Variants in SH2D4A observed in about 807,000 individuals in gnomAD.
The protein encoded by SH2D4A is SH2 domain-containing protein 4A.
A neutral mutation model predicts 64.7 loss-of-function variants in SH2D4A; 70 were observed. The observed-to-expected ratio is 1.08, with a 90% confidence interval of 0.89 to 1.32. The LOEUF (loss-of-function observed/expected upper bound fraction) is 1.32, where lower values mean the gene tolerates loss of function less well. Ranked by LOEUF, SH2D4A falls within the 40% of genes most tolerant of loss-of-function variation. The pLI, the probability that SH2D4A is intolerant of heterozygous loss-of-function variation, is 0.00. For missense variants in SH2D4A, 706 were observed against 540.1 expected (o/e 1.31, Z -3.04); for synonymous variants, 268 against 200.7 (o/e 1.34, Z -2.83).
intron 8 of SH2D4A, among the ~76,000 whole-genome samples, chr8:19,373,899 A>G (rs1294179048): frequency 1.3e-5 from 2 of 152,134 alleles, no homozygotes; most frequent in Non-Finnish European, 2.9e-5. Flanking sequence ...TATCACCACA[A>G]ATAAAATGCA....
At chr8:19,358,949 G>A (rs1350068701) in intron 5 of SH2D4A, among the ~76,000 whole-genome samples, 8 of 151,560 alleles carry the variant, frequency 5.3e-5, no homozygotes, top group South Asian at 2.1e-4. Context: ...CGGCCCCTCC[G>A]CCCCTCCACT....
At chr8:19,343,100 C>T (rs1585161423) in intron 4 of SH2D4A, among the ~76,000 whole-genome samples, 1 of 152,096 alleles carries the variant, frequency 6.6e-6, no homozygotes. Context: ...TCTCATAAAC[C>T]TCTGCAACCT....
chr8:19,355,993 A>C (rs1451028319), intron 4 of SH2D4A, among the ~76,000 whole-genome samples: 1 of 152,218 alleles, frequency 6.6e-6, no homozygotes, highest in East Asian at 1.9e-4. Flanking sequence ...GTTCTAGTTC[A>C]GGAGGGCTCT....
intron 4 of SH2D4A, among the ~76,000 whole-genome samples, chr8:19,344,212 TGATTAGGGTCTTAAGAG>T (rs1026490549): frequency 1.6e-4 from 25 of 152,112 alleles, no homozygotes; most frequent in Non-Finnish European, 3.7e-4. Flanking sequence ...CTAGGTTCTC[TGATTAGGGTCTTAAGAG>T]GCTGAAATCA....
intron 4 of SH2D4A, among the ~76,000 whole-genome samples, chr8:19,345,913 C>G (rs2052606370): frequency 6.6e-6 from 1 of 152,192 alleles, no homozygotes; most frequent in African/African-American, 2.4e-5. Flanking sequence ...CCATGAGAAG[C>G]AAATCTTGGG....
rs185996095 is a variant in SH2D4A, at chr8:19,378,113, C to T, written c.1048+4453C>T. Among the ~76,000 whole-genome samples, 28 of 152,148 alleles carry T rather than the reference C, an allele frequency of 1.8e-4. No homozygotes were observed. The East Asian group carries it at 2.1e-3, about 12-fold the overall frequency. ...GTAATTACTTATACAGATCTTTTGACGATTTTTCTAATGAATTGATTTTTT... is the reference window on the plus strand; with the variant it reads ...GTAATTACTTATACAGATCTTTTGATGATTTTTCTAATGAATTGATTTTTT... On this transcript the variant is annotated intron_variant, in intron 8 of 9. Transcript: ENST00000265807.
At position 19,384,270 on chromosome 8, in the gene SH2D4A, G is replaced by A. The variant is rs140231072; in HGVS notation, c.1049-9048G>A. Among the ~76,000 whole-genome samples the A allele has an allele frequency of 1.4e-3, 216 of 152,318 alleles. 1 individual carries two copies. Among genetic ancestry groups the A allele is most frequent in the African/African-American group, 5.0e-3 (206 of 41,584 alleles). On this transcript the variant is annotated intron_variant, in intron 8 of 9. Coordinates refer to ENST00000265807, the MANE Select transcript of SH2D4A (RefSeq NM_022071.4). The stretch of plus-strand genomic sequence containing the variant: ...AGAATGAAGTTTTTTGGGTAAGTTT[G>A]CCAGGACATTGCAGGTTAAGGTTGA...
intron 7 of SH2D4A, among the ~76,000 whole-genome samples, chr8:19,366,949 T>C (rs1009273782): frequency 2.5e-4 from 38 of 152,358 alleles, no homozygotes; most frequent in African/African-American, 8.2e-4. Context: ...GGATCTTTTG[T>C]TCTCTTTAAT....
chr8:19,344,273 C>A (rs186017092), intron 4 of SH2D4A, among the ~76,000 whole-genome samples: 1 of 151,992 alleles, frequency 6.6e-6, no homozygotes, highest in Non-Finnish European at 1.5e-5. Context: ...TATCTGGAGG[C>A]CCTGGAGAAG....
chr8:19,370,751 T>A (rs550746393), intron 7 of SH2D4A, among the ~76,000 whole-genome samples: 1 of 152,174 alleles, frequency 6.6e-6, no homozygotes, highest in African/African-American at 2.4e-5. Context: ...TATTGATATG[T>A]AAGGGCTTAC....
At chr8:19,318,183 C>T (rs922741163) in intron 1 of SH2D4A, among the ~76,000 whole-genome samples, 9 of 152,170 alleles carry the variant, frequency 5.9e-5, no homozygotes, top group African/African-American at 2.2e-4. Flanking sequence ...GGATTACAGG[C>T]GTGAGCCACC....
intron 1 of SH2D4A, 79 bp from the exon 2 acceptor site, chr8:19,319,265 C>CTTT: frequency 1.0e-6 from 1 of 957,596 alleles, no homozygotes; most frequent in Non-Finnish European, 1.3e-6. Context: ...TTCCTCCTAG[C>CTTT]TTTTTTTTTT....
intron 8 of SH2D4A, among the ~76,000 whole-genome samples, chr8:19,384,482 G>C (rs1280972039): frequency 2.0e-5 from 3 of 152,178 alleles, no homozygotes; most frequent in African/African-American, 4.8e-5. Context: ...GTTCCGGACT[G>C]TCTTGACCTT....
At chr8:19,323,850 G>T (rs182019374) in intron 2 of SH2D4A, among the ~76,000 whole-genome samples, 1 of 152,324 alleles carries the variant, frequency 6.6e-6, no homozygotes, top group East Asian at 1.9e-4. Flanking sequence ...TCACAGCTAA[G>T]CCTGAAGTGT....
chr8:19,319,540 G>A lies in SH2D4A; in HGVS notation c.-8G>A, dbSNP rs1323983000. On this transcript the variant is annotated 5_prime_UTR_variant, in exon 2 of 10. In the 5' UTR this introduces an upstream ATG that the reference lacks. Transcript: ENST00000265807. ...GCCACAAGTATAAAAGACTTCAGAA[G>A]TGCAAAGATGCTGAAACAGATACTG... The A allele has an allele frequency of 2.0e-6, 3 of 1,513,170 alleles. No homozygotes were observed. Among genetic ancestry groups the A allele is most frequent in the Non-Finnish European group, 1.8e-6 (2 of 1,129,898 alleles). 93.7% of individuals were successfully genotyped at this position (1,513,170 alleles called of 1,614,324 possible). A position where few individuals can be genotyped will look rare whatever the true frequency, so the allele number is the denominator to read the frequency against.
In SH2D4A at chr8:19,386,593, C is replaced by T. The variant is rs904609968; in HGVS notation, c.1049-6725C>T. On this transcript the variant is annotated intron_variant, in intron 8 of 9. Transcript: ENST00000265807. The stretch of plus-strand genomic sequence containing the variant: ...TGGACCCTTGTAGTTCCCTGTCCTG[C>T]TCTTGGAGTCCTGAGGTTGCCTAGA... 7.2e-5 allele frequency among the ~76,000 whole-genome samples: 11 copies of T among 152,208 alleles called. No homozygotes were observed. In the East Asian group the frequency reaches 1.2e-3, roughly 16 times the overall value.
Position 19,313,811 on chromosome 8 carries a change from G to A in SH2D4A, c.-217G>A, listed in dbSNP as rs2117153517. On this transcript the variant is annotated 5_prime_UTR_variant, in exon 1 of 10. Transcript: ENST00000265807. ...GGTGATCGAGCCACCCTGCCCAGGG[G>A]CGCCCAGCACTGGTAGGTGCTGGGG... The A allele has an allele frequency of 3.3e-6, 5 of 1,507,590 alleles. No homozygotes were observed. Among genetic ancestry groups the A allele is most frequent in the South Asian group, 1.2e-5 (1 of 81,968 alleles). The allele number at this position is 1,507,590 out of a possible 1,614,324, so 93.4% of individuals were successfully genotyped here. A position where few individuals can be genotyped will look rare whatever the true frequency, so the allele number is the denominator to read the frequency against.
rs759850193 is a variant in SH2D4A, at chr8:19,393,409, C to G, written c.1140C>G (p.Gly380=). Residue 380 remains glycine, a synonymous_variant, in exon 9 of 10, where the codon GGC becomes GGG. Coordinates refer to ENST00000265807, the MANE Select transcript of SH2D4A (RefSeq NM_022071.4). ...TCCGAGTCAGTGAAAGGATCAAAGGCTATGCCCTGTCCTATCTGTCGGAGG... is the reference window on the plus strand; with the variant it reads ...TCCGAGTCAGTGAAAGGATCAAAGGGTATGCCCTGTCCTATCTGTCGGAGG... The part of the protein sequence containing the change: ...FLIRVSERIK[G]YALSYLSEDG... The G allele has an allele frequency of 1.1e-5, 17 of 1,614,048 alleles. No individual in the cohort carries two copies. The highest frequency in any genetic ancestry group is 1.4e-5 in the Non-Finnish European group (16 of 1,179,994).
intron 4 of SH2D4A, among the ~76,000 whole-genome samples, chr8:19,338,942 C>T (rs1279447462): frequency 3.3e-5 from 5 of 152,136 alleles, no homozygotes; most frequent in South Asian, 2.1e-4. Flanking sequence ...AGTATTGACT[C>T]ACACGATCAC....
Sources: allele counts gnomAD v4.1 joint callset (sites outside exome capture counted in the v4.1 genomes callset), GRCh38; gene constraint gnomAD v4.1.1; transcripts MANE v1.5; gene names NCBI Gene and HGNC (gene_info 2026-07-23, HGNC 2026-07-21).